Variants in PRKCA observed in about 807,000 individuals in gnomAD.
PRKCA encodes protein kinase C alpha type.
In PRKCA, 27 loss-of-function variants were observed where a neutral mutation model predicts 87.0. That is an observed-to-expected ratio of 0.31 (90% confidence interval 0.23 to 0.43). The LOEUF (loss-of-function observed/expected upper bound fraction) is 0.43, where lower values mean the gene tolerates loss of function less well. Ranked by LOEUF, PRKCA falls within the 20% of genes least tolerant of loss-of-function variation. The probability of loss-of-function intolerance (pLI) is 1.00; values close to 1 mark genes in which losing one functional copy is unlikely to be tolerated. For missense variants in PRKCA, 518 were observed against 852.3 expected, an observed-to-expected ratio of 0.61 and a Z score of 4.88; for synonymous variants, 329 against 311.1, an observed-to-expected ratio of 1.06 and a Z score of -0.61.
At chr17:66,425,065 A>G (rs1912723648) in intron 2 of PRKCA, among the ~76,000 whole-genome samples, 1 of 152,198 alleles carries the variant, frequency 6.6e-6, no homozygotes, top group Middle Eastern at 3.4e-3. Flanking sequence ...CCCAGCCTGT[A>G]TACTGTTGCT....
At chr17:66,318,646 G>A (rs961540687) in intron 2 of PRKCA, among the ~76,000 whole-genome samples, 3 of 152,180 alleles carry the variant, frequency 2.0e-5, no homozygotes, top group African/African-American at 7.2e-5. Flanking sequence ...CTTGAGGTCG[G>A]TAGTTTGAGA....
chr17:66,700,942 GA>G (rs948120423), intron 8 of PRKCA, among the ~76,000 whole-genome samples: 4 of 151,978 alleles, frequency 2.6e-5, no homozygotes, highest in African/African-American at 9.7e-5. Context: ...TTCCATAGAG[GA>G]AAAAATAATC....
chr17:66,428,449 A>G (rs1912929501), intron 2 of PRKCA, among the ~76,000 whole-genome samples: 1 of 152,084 alleles, frequency 6.6e-6, no homozygotes, highest in African/African-American at 2.4e-5. Context: ...TGCACAAGAC[A>G]TTTCAAGAAA....
intron 3 of PRKCA, among the ~76,000 whole-genome samples, chr17:66,631,852 A>T (rs911739804): frequency 6.6e-6 from 1 of 152,216 alleles, no homozygotes; most frequent in African/African-American, 2.4e-5. Context: ...TTAAAAATAA[A>T]TTTGTTTAAA....
At chr17:66,466,690 G>T (rs374399831) in intron 2 of PRKCA, among the ~76,000 whole-genome samples, 16 of 151,966 alleles carry the variant, frequency 1.1e-4, no homozygotes, top group East Asian at 9.7e-4. Context: ...TTAAATTTTT[G>T]GTGTAATGCA....
chr17:66,621,726 A>C (rs1278960713), intron 3 of PRKCA, among the ~76,000 whole-genome samples: 1 of 152,232 alleles, frequency 6.6e-6, no homozygotes, highest in Non-Finnish European at 1.5e-5. Flanking sequence ...ATGGCAAGCA[A>C]AAGTAAGAAA....
At chr17:66,603,012 C>T (rs1048361492) in intron 3 of PRKCA, among the ~76,000 whole-genome samples, 1 of 152,218 alleles carries the variant, frequency 6.6e-6, no homozygotes. Context: ...CTGTCCTTCT[C>T]ACCCTTCAAA....
At position 66,806,278 on chromosome 17, in the gene PRKCA, G is replaced by A. The variant is rs1976029495; in HGVS notation, c.*2241G>A. The A allele has an allele frequency of 6.6e-6, 1 of 152,260 alleles. No individual in the cohort carries two copies. 9.4% of individuals were successfully genotyped at this position (152,260 alleles called of 1,614,324 possible). A position where few individuals can be genotyped will look rare whatever the true frequency, so the allele number is the denominator to read the frequency against. ...AACACACAACCATGAAAGGCTTTTT[G>A]AGGTGAGAGGCCCAGGTGGTCCTGG... On this transcript the variant is annotated 3_prime_UTR_variant, in exon 17 of 17. Transcript: ENST00000413366.
intron 4 of PRKCA, among the ~76,000 whole-genome samples, chr17:66,642,268 TACA>T (rs2143804477): frequency 6.6e-6 from 1 of 152,218 alleles, no homozygotes; most frequent in East Asian, 1.9e-4. Context: ...TAGCTGGGAC[TACA>T]GGCCCCCACC....
At chr17:66,327,991 G>A (rs1185975973) in intron 2 of PRKCA, among the ~76,000 whole-genome samples, 2 of 152,178 alleles carry the variant, frequency 1.3e-5, no homozygotes, top group African/African-American at 2.4e-5. Flanking sequence ...ACCAAGGAAA[G>A]CACTACGGGA....
At chr17:66,604,211 G>T (rs1353189671) in intron 3 of PRKCA, among the ~76,000 whole-genome samples, 1 of 151,768 alleles carries the variant, frequency 6.6e-6, no homozygotes, top group African/African-American at 2.4e-5. Flanking sequence ...CTCTAAATAA[G>T]AACTTGCTTT....
chr17:66,510,189 G>A (rs969244732), intron 3 of PRKCA, among the ~76,000 whole-genome samples: 2 of 152,174 alleles, frequency 1.3e-5, no homozygotes, highest in Non-Finnish European at 2.9e-5. Context: ...TGGAATATCT[G>A]TGAAATGTTT....
chr17:66,654,421 C>G (rs28641893), intron 5 of PRKCA, among the ~76,000 whole-genome samples: 33 of 151,596 alleles, frequency 2.2e-4, no homozygotes, highest in Admixed American at 3.3e-4. Flanking sequence ...ATCATCATCA[C>G]CAGCAGCAGC....
At chr17:66,595,626 A>G (rs567562616) in intron 3 of PRKCA, among the ~76,000 whole-genome samples, 212 of 151,482 alleles carry the variant, frequency 1.4e-3, no homozygotes, top group African/African-American at 4.5e-3. Context: ...AGCCCAGCCA[A>G]TTTTTTTTGT....
chr17:66,516,593 A>G (rs1451807467), intron 3 of PRKCA, among the ~76,000 whole-genome samples: 1 of 151,912 alleles, frequency 6.6e-6, no homozygotes, highest in Non-Finnish European at 1.5e-5. Flanking sequence ...AGATCATACC[A>G]CTGCACTCCA....
chr17:66,404,741 C>CTTTTTTTT (rs1911249443), intron 2 of PRKCA, among the ~76,000 whole-genome samples: 1 of 40,424 alleles, frequency 2.5e-5, no homozygotes, highest in Admixed American at 2.4e-4. Flanking sequence ...GGATGGTAGG[C>CTTTTTTTT]CTTTTTTTTT....
intron 3 of PRKCA, among the ~76,000 whole-genome samples, chr17:66,513,390 TTCTTAA>T (rs1307688355): frequency 3.9e-5 from 6 of 152,240 alleles, no homozygotes; most frequent in African/African-American, 1.4e-4. Flanking sequence ...AGGTGTGTTC[TTCTTAA>T]TCTTAATGTT....
chr17:66,535,480 T>C (rs2143079673), intron 3 of PRKCA, among the ~76,000 whole-genome samples: 1 of 152,238 alleles, frequency 6.6e-6, no homozygotes, highest in East Asian at 1.9e-4. Context: ...TGGACCCAAA[T>C]TCCCCCACCC....
rs564113366 is a variant in PRKCA at position 66,357,497 on chromosome 17, TA to T, written c.205+51376del. Among the ~76,000 whole-genome samples the T allele has an allele frequency of 3.0e-4, 45 of 152,316 alleles. No homozygotes were observed. In the East Asian group the frequency reaches 4.6e-3, roughly 16 times the overall value. The stretch of plus-strand genomic sequence containing the variant: ...GACTTCGAATGCATTATGATCATTA[TA>T]AAAAATGTCTATTTCTAATTCTGTT... On this transcript the variant is annotated intron_variant, in intron 2 of 16. Transcript: ENST00000413366.
Sources: gnomAD v4.1 joint callset for allele counts (sites outside exome capture counted in the v4.1 genomes callset) on GRCh38, gnomAD v4.1.1 for gene constraint, MANE v1.5 for transcripts, NCBI Gene and HGNC (gene_info 2026-07-23, HGNC 2026-07-21) for gene names.